Variants in GRIK2 observed in about 807,000 individuals in gnomAD.
GRIK2 encodes glutamate ionotropic receptor kainate type subunit 2.
GRIK2 carries 32 observed loss-of-function variants against 100.3 expected under a neutral mutation model. That is an observed-to-expected ratio of 0.32 (90% CI 0.24 to 0.43). The LOEUF (loss-of-function observed/expected upper bound fraction) is 0.43. Among genes scored for constraint, GRIK2 ranks in the 20% least tolerant of loss-of-function variants. The pLI is 1.00. For missense variants in GRIK2, 843 were observed against 1,114.9 expected (o/e 0.76, Z 3.47); for synonymous variants, 417 against 389.4 (o/e 1.07, Z -0.83).
intron 2 of GRIK2, among the ~76,000 whole-genome samples, chr6:101,451,693 TGA>T (rs756895264): frequency 3.5e-4 from 18 of 52,128 alleles, no homozygotes; most frequent in African/African-American, 9.0e-4. Flanking sequence ...TATTTATCTC[TGA>T]GGGGGGGGGG....
chr6:101,545,604 T>C (rs1776193757), intron 2 of GRIK2, among the ~76,000 whole-genome samples: 1 of 152,160 alleles, frequency 6.6e-6, no homozygotes, highest in East Asian at 1.9e-4. Context: ...CTTGGCTTGA[T>C]TTTACAGAAT....
intron 2 of GRIK2, among the ~76,000 whole-genome samples, chr6:101,514,608 A>G (rs952276275): frequency 1.3e-5 from 2 of 152,130 alleles, no homozygotes; most frequent in African/African-American, 4.8e-5. Flanking sequence ...AATCTAAACT[A>G]TATAGAAACA....
At chr6:101,949,584 C>A (rs866291153) in intron 14 of GRIK2, among the ~76,000 whole-genome samples, 9 of 152,116 alleles carry the variant, frequency 5.9e-5, no homozygotes, top group African/African-American at 1.9e-4. Flanking sequence ...GTTCAACTCC[C>A]ACTTATAAGT....
At chr6:101,898,187 G>A (rs1787599878) in intron 12 of GRIK2, among the ~76,000 whole-genome samples, 3 of 151,702 alleles carry the variant, frequency 2.0e-5, no homozygotes, top group Admixed American at 1.3e-4. Flanking sequence ...AATGAGATTA[G>A]AGATGTTTTC....
At chr6:101,616,770 C>T (rs550943704) in intron 2 of GRIK2, among the ~76,000 whole-genome samples, 2 of 151,848 alleles carry the variant, frequency 1.3e-5, no homozygotes, top group African/African-American at 4.8e-5. Context: ...CAGCTGTGCT[C>T]TTTCTTACAC....
At chr6:101,602,108 G>T (rs972199962) in intron 2 of GRIK2, among the ~76,000 whole-genome samples, 2 of 151,470 alleles carry the variant, frequency 1.3e-5, no homozygotes, top group African/African-American at 4.8e-5. Context: ...CAGAGATTTT[G>T]GTATATGTTG....
At chr6:101,651,236 C>T (rs1781777670) in intron 4 of GRIK2, among the ~76,000 whole-genome samples, 1 of 152,106 alleles carries the variant, frequency 6.6e-6, no homozygotes, top group African/African-American at 2.4e-5. Context: ...TATCACTTGG[C>T]ACATTTTGTC....
At chr6:101,411,475 G>T (rs2128238027) in intron 2 of GRIK2, among the ~76,000 whole-genome samples, 1 of 152,116 alleles carries the variant, frequency 6.6e-6, no homozygotes, top group African/African-American at 2.4e-5. Flanking sequence ...TCTATGTGGT[G>T]GTTCTTAGTC....
chr6:101,891,624 A>G, intron 12 of GRIK2: 1 of 391,876 alleles, frequency 2.6e-6, no homozygotes, highest in African/African-American at 2.2e-5. Flanking sequence ...ATTTTTACCT[A>G]ATTAGTTAGA....
At chr6:101,507,657 A>G (rs970486099) in intron 2 of GRIK2, among the ~76,000 whole-genome samples, 1 of 152,236 alleles carries the variant, frequency 6.6e-6, no homozygotes, top group Non-Finnish European at 1.5e-5. Flanking sequence ...GTTGTAGAAG[A>G]CAGCATAGAG....
At chr6:101,676,878 A>G in intron 5 of GRIK2, 74 bp downstream of exon 5, 1 of 843,364 alleles carries the variant, frequency 1.2e-6, no homozygotes, top group Non-Finnish European at 1.9e-6. Context: ...TTTTAAATCA[A>G]AATATTATTG....
intron 2 of GRIK2, among the ~76,000 whole-genome samples, chr6:101,551,616 T>C (rs1776510795): frequency 6.6e-6 from 1 of 152,104 alleles, no homozygotes; most frequent in African/African-American, 2.4e-5. Context: ...TCAGCATGTG[T>C]CCCGCACTGT....
Position 101,878,885 on chromosome 6 carries a change from G to T in GRIK2, c.1525-10755G>T, listed in dbSNP as rs372105757. Among the ~76,000 whole-genome samples the T allele has an allele frequency of 5.3e-5, 8 of 152,122 alleles. No homozygotes were observed. The East Asian group carries it at 9.7e-4, about 18-fold the overall frequency. On this transcript the variant is annotated intron_variant, in intron 11 of 16. Coordinates refer to ENST00000369134, the MANE Select transcript of GRIK2 (RefSeq NM_021956.5). ...TTCTTTTGACTACCTGGATCAAGCA[G>T]TATGTACTGATTATTTTACTGTTAT...
At chr6:101,847,590 A>G (rs1783884654) in intron 10 of GRIK2, among the ~76,000 whole-genome samples, 1 of 152,166 alleles carries the variant, frequency 6.6e-6, no homozygotes, top group African/African-American at 2.4e-5. Context: ...AACAAGAAAC[A>G]AAACCAAACT....
At chr6:101,805,625 G>A (rs1780951500) in intron 9 of GRIK2, among the ~76,000 whole-genome samples, 1 of 151,918 alleles carries the variant, frequency 6.6e-6, no homozygotes, top group Non-Finnish European at 1.5e-5. Context: ...TGGAAGGAAT[G>A]TCTGTTTTAT....
chr6:101,410,691 T>A (rs1775848458), intron 2 of GRIK2, among the ~76,000 whole-genome samples: 1 of 152,078 alleles, frequency 6.6e-6, no homozygotes, highest in Non-Finnish European at 1.5e-5. Flanking sequence ...AATTAAAAAA[T>A]TTTAAACTTC....
intron 2 of GRIK2, among the ~76,000 whole-genome samples, chr6:101,454,101 G>A (rs1436638181): frequency 6.6e-6 from 1 of 152,024 alleles, no homozygotes; most frequent in East Asian, 1.9e-4. Context: ...GAAGGAAGAA[G>A]GCCGATTTTC....
At chr6:101,672,044 G>A (rs956573527) in intron 4 of GRIK2, among the ~76,000 whole-genome samples, 1 of 151,960 alleles carries the variant, frequency 6.6e-6, no homozygotes, top group African/African-American at 2.4e-5. Context: ...ATTAGAGAGG[G>A]GCTGATACTT....
At chr6:101,539,108 C>G (rs978440608) in intron 2 of GRIK2, among the ~76,000 whole-genome samples, 1 of 151,648 alleles carries the variant, frequency 6.6e-6, no homozygotes, top group African/African-American at 2.4e-5. Flanking sequence ...AGAAATTGAA[C>G]TGTCACTTCA....
Sources: gnomAD v4.1 joint callset for allele counts (sites outside exome capture counted in the v4.1 genomes callset) on GRCh38, gnomAD v4.1.1 for gene constraint, MANE v1.5 for transcripts, NCBI Gene and HGNC (gene_info 2026-07-23, HGNC 2026-07-21) for gene names.